LRP1: variants seen among roughly 807,000 people sequenced by gnomAD.
LRP1 encodes LDL receptor related protein 1.
In LRP1, 51 loss-of-function variants were observed where a neutral mutation model predicts 541.5. That is an observed-to-expected ratio of 0.09 (90% CI 0.08 to 0.12). The LOEUF is 0.12. Among genes scored for constraint, LRP1 ranks in the 10% least tolerant of loss-of-function variants. LRP1 has a pLI of 1.00. For synonymous variants in LRP1, 2,219 were observed against 2,470.8 expected, an observed-to-expected ratio of 0.90 and a Z score of 3.02; for missense variants, 3,878 against 6,376.2, an observed-to-expected ratio of 0.61 and a Z score of 13.34.
Position 57,183,449 on chromosome 12 carries a change from G to A in LRP1, c.5733G>A (p.Lys1911=), listed in dbSNP as rs754719895. ...IRGIPLDPND[K]SDALVPVSGT... ...GAATTCCCCTGGATCCCAATGACAA[G>A]TCAGATGCCCTGGTCCCAGTGTCCG... Residue 1911 remains lysine, a synonymous_variant, in exon 35 of 89, where the codon AAG becomes AAA. Transcript: ENST00000243077. This position sits in a 1 kb window ranked among gnomAD's most constrained non-coding sequence, Gnocchi z 6.1. 2 of 1,614,194 alleles carry A rather than the reference G, an allele frequency of 1.2e-6. No individual in the cohort carries two copies. Among genetic ancestry groups the A allele is most frequent in the East Asian group, 2.2e-5 (1 of 44,890 alleles).
intron 6 of LRP1, among the ~76,000 whole-genome samples, chr12:57,150,412 C>T (rs1485604083): frequency 2.0e-5 from 3 of 152,068 alleles, no homozygotes; most frequent in East Asian, 1.9e-4. Flanking sequence ...AGGATGGTCT[C>T]GATCTCCTGG....
chr12:57,167,962 C>T (rs545836551), intron 19 of LRP1, among the ~76,000 whole-genome samples: 72 of 152,362 alleles, frequency 4.7e-4, no homozygotes, highest in Non-Finnish European at 8.8e-4. Context: ...TGATGTCAGC[C>T]TTGAGCCACC....
At position 57,183,879 on chromosome 12, in the gene LRP1, G is replaced by A; in HGVS notation, c.5899G>A (p.Val1967Met). Residue 1967 changes from valine to methionine, a missense_variant, in exon 36 of 89, where the codon GTG (valine) becomes ATG (methionine). Val to Met is a conservative substitution (Grantham distance 21, BLOSUM62 1). Coordinates refer to ENST00000243077, the MANE Select transcript of LRP1 (RefSeq NM_002332.3). This position sits in a 1 kb window ranked among gnomAD's most constrained non-coding sequence, Gnocchi z 6.1. ...EDVVTNGIGR[V>M]EGIAVDWIAG... ...CGTGGTGACCAATGGCATTGGCCGT[G>A]TGGAGGGCATTGCAGTGGACTGGAT... is the stretch of plus-strand genomic sequence containing the variant. 1.2e-6 allele frequency: 2 copies of A among 1,614,216 alleles called. No individual in the cohort carries two copies. The highest frequency in any genetic ancestry group is 2.2e-5 in the East Asian group (1 of 44,878).
chr12:57,186,415 T>G (rs547834727), intron 41 of LRP1, among the ~76,000 whole-genome samples: 1 of 152,326 alleles, frequency 6.6e-6, no homozygotes, highest in Admixed American at 6.5e-5. Context: ...TTTCAGCTCT[T>G]TGAAAACTGC....
At position 57,199,357 on chromosome 12, in the gene LRP1, G is replaced by A; in HGVS notation, c.9822G>A (p.Arg3274=). 1.2e-6 allele frequency: 2 copies of A among 1,612,716 alleles called. No individual in the cohort carries two copies. Among genetic ancestry groups the A allele is most frequent in the Non-Finnish European group, 1.7e-6 (2 of 1,179,786 alleles). Residue 3274 remains arginine (R), a synonymous_variant, in exon 61 of 89, where the codon CGG becomes CGA. Coordinates refer to ENST00000243077, the MANE Select transcript of LRP1 (RefSeq NM_002332.3). ...NKTLLISTLH[R]PMDLHVFHAL... is the part of the protein sequence containing the mutation. The stretch of plus-strand genomic sequence containing the variant: ...CGCTCCTCATCAGCACGCTGCACCG[G>A]CCCATGGACCTGCATGTCTTCCATG...
At chr12:57,191,796 C>T (rs1404893452) in intron 44 of LRP1, among the ~76,000 whole-genome samples, 2 of 70,176 alleles carry the variant, frequency 2.8e-5, no homozygotes, top group Non-Finnish European at 5.9e-5. Context: ...ACACACCACA[C>T]ATATCACATG....
intron 3 of LRP1, among the ~76,000 whole-genome samples, chr12:57,143,207 G>A (rs912059654): frequency 6.6e-6 from 1 of 152,172 alleles, no homozygotes; most frequent in Non-Finnish European, 1.5e-5. Context: ...TAGGGCTCCG[G>A]GGATGGGTTA....
intron 6 of LRP1, among the ~76,000 whole-genome samples, chr12:57,148,495 T>G (rs991043251): frequency 6.6e-6 from 1 of 152,088 alleles, no homozygotes; most frequent in Non-Finnish European, 1.5e-5. Flanking sequence ...ATGGAGCCTG[T>G]AACCCAGCTT....
chr12:57,179,387 T>C lies in LRP1; in HGVS notation c.4797T>C (p.Asp1599=), dbSNP rs1332233212. 5 of 1,614,130 alleles carry C rather than the reference T, an allele frequency of 3.1e-6. No homozygotes were observed. The Admixed American group carries it at 8.3e-5, about 27-fold the overall frequency. The part of the protein sequence containing the change: ...RQMEIRGVDL[D]APYYNYIISF... Reference sequence around the variant, plus strand: ...TGGAGATCCGAGGTGTGGACCTGGATGCTCCCTACTACAACTACATCATCT... The same window carrying C: ...TGGAGATCCGAGGTGTGGACCTGGACGCTCCCTACTACAACTACATCATCT... The change falls in exon 29 of 89, where the codon GAT becomes GAC. Residue 1599 remains aspartate (D), a synonymous_variant. Coordinates refer to ENST00000243077, the MANE Select transcript of LRP1 (RefSeq NM_002332.3). This position sits in a 1 kb window ranked among gnomAD's most constrained non-coding sequence, Gnocchi z 6.8.
chr12:57,202,070 A>C (rs2036669074), intron 67 of LRP1, 165 bp downstream of exon 67: 1 of 859,092 alleles, frequency 1.2e-6, no homozygotes, highest in African/African-American at 1.7e-5. Flanking sequence ...GCCTGGCTGG[A>C]GCTCACTTCC....
rs1428109294 is a variant in LRP1, at chr12:57,183,531, G to C, written c.5794+21G>C. The C allele has an allele frequency of 6.2e-7, 1 of 1,609,790 alleles. No individual in the cohort carries two copies. The highest frequency in any genetic ancestry group is 8.5e-7 in the Non-Finnish European group (1 of 1,177,190). ...CGCTGGTGAGCCATTTGGTGGCAGA[G>C]GGAGTTGGGCGTGGCGTAGGAGCTT... On this transcript the variant is annotated intron_variant, in intron 35 of 88. Coordinates refer to ENST00000243077, the MANE Select transcript of LRP1 (RefSeq NM_002332.3). The surrounding 1 kb of genome is among the most constrained non-coding windows in gnomAD (Gnocchi z 6.1).
chr12:57,205,489 G>C lies in LRP1; in HGVS notation c.11470+4G>C, dbSNP rs758357080. 2 of 1,610,994 alleles carry C rather than the reference G, an allele frequency of 1.2e-6. No homozygotes were observed. Among genetic ancestry groups the C allele is most frequent in the South Asian group, 2.2e-5 (2 of 91,032 alleles). On this transcript the variant is annotated splice_donor_region_variant and intron_variant, in intron 74 of 88. Transcript: ENST00000243077. This position sits in a 1 kb window ranked among gnomAD's most constrained non-coding sequence, Gnocchi z 4.6. ...CCCGGCCAGCCCGGATGCCAAGGTA[G>C]GAAAGCGGGGCAGAGCAGGGGTGGA...
chr12:57,187,013 A>G (rs774840891), intron 41 of LRP1, among the ~76,000 whole-genome samples: 3 of 152,236 alleles, frequency 2.0e-5, no homozygotes, highest in Admixed American at 6.5e-5. Flanking sequence ...CAAACACACC[A>G]GAAAGCCCGA....
At chr12:57,181,757 G>A (rs900483363) in intron 34 of LRP1, among the ~76,000 whole-genome samples, 17 of 152,258 alleles carry the variant, frequency 1.1e-4, no homozygotes, top group East Asian at 7.7e-4. Context: ...AAACAGAGGC[G>A]GTTAAACCAG....
rs1013062212 is a variant in LRP1 at position 57,189,551 on chromosome 12, A to G, written c.7032-1254A>G. 1.3e-5 allele frequency among the ~76,000 whole-genome samples: 2 copies of G among 152,018 alleles called. No individual in the cohort carries two copies. The highest frequency in any genetic ancestry group is 3.9e-4 in the East Asian group (2 of 5,188). The stretch of plus-strand genomic sequence containing the variant: ...AGGGGCAGAGCAGCACCATTTTCCT[A>G]CGTGAGCCCAGCAGAAGGCGGGATA... On this transcript the variant is annotated intron_variant, in intron 42 of 88. Coordinates refer to ENST00000243077, the MANE Select transcript of LRP1 (RefSeq NM_002332.3). This position sits in a 1 kb window ranked among gnomAD's most constrained non-coding sequence, Gnocchi z 4.4.
In LRP1 at chr12:57,183,800, C is replaced by G; in HGVS notation, c.5820C>G (p.Asp1940Glu). 6.2e-7 allele frequency: 1 copy of G among 1,614,130 alleles called. No individual in the cohort carries two copies. Among genetic ancestry groups the G allele is most frequent in the Non-Finnish European group, 8.5e-7 (1 of 1,180,040 alleles). Reference sequence around the variant, plus strand: ...AAAATGACACCATCTACTGGGTGGACATGGGCCTGAGCACGATCAGCCGGG... The same window carrying G: ...AAAATGACACCATCTACTGGGTGGAGATGGGCCTGAGCACGATCAGCCGGG... ...HAENDTIYWVDMGLSTISRAK... is the reference protein window; with the variant it reads ...HAENDTIYWVEMGLSTISRAK... The change falls in exon 36 of 89, where the codon GAC (aspartate) becomes GAG (glutamate). Residue 1940 changes from aspartate to glutamate, a missense_variant. Physicochemically the swap from Asp to Glu is conservative, Grantham distance 45. Around this residue, in one of 13 missense-constraint regions of LRP1, gnomAD observed 394 missense variants for 635.9 expected, o/e 0.62. Transcript: ENST00000243077. The surrounding 1 kb of genome is among the most constrained non-coding windows in gnomAD (Gnocchi z 6.1).
In LRP1 at chr12:57,168,776, C is replaced by A. The variant is rs575693266; in HGVS notation, c.2996-364C>A. On this transcript the variant is annotated intron_variant, in intron 19 of 88. Coordinates refer to ENST00000243077, the MANE Select transcript of LRP1 (RefSeq NM_002332.3). Reference sequence around the variant, plus strand: ...TCTCAAGCCGGCCACGCCTGCACCCCACCTACCTCTCTCCCTCCAAAACTA... The same window carrying A: ...TCTCAAGCCGGCCACGCCTGCACCCAACCTACCTCTCTCCCTCCAAAACTA... Among the ~76,000 whole-genome samples, 10 of 152,350 alleles carry A rather than the reference C, an allele frequency of 6.6e-5. No homozygotes were observed. The East Asian group carries it at 1.9e-3, about 29-fold the overall frequency.
chr12:57,145,420 G>A lies in LRP1; in HGVS notation c.771G>A (p.Lys257=). The A allele has an allele frequency of 1.9e-6, 3 of 1,614,200 alleles. No individual in the cohort carries two copies. The highest frequency in any genetic ancestry group is 1.7e-5 in the Admixed American group (1 of 60,034). The change falls in exon 6 of 89, where the codon AAG becomes AAA. Residue 257 remains lysine (K), a synonymous_variant. Transcript: ENST00000243077. ...VGDSAAQTQL[K]CARMPGLKGF... ...ACAGTGCTGCTCAGACGCAGCTCAA[G>A]TGTGCCCGCATGCCTGGCCTAAAGG...
chr12:57,209,962 C>A, intron 80 of LRP1, 67 bp from the exon 81 acceptor site: 1 of 1,586,768 alleles, frequency 6.3e-7, no homozygotes, highest in Non-Finnish European at 8.6e-7. Context: ...GAGGGGGTCA[C>A]CCTGGGCTCA....
Sources: gnomAD v4.1 joint callset for allele counts (sites outside exome capture counted in the v4.1 genomes callset) on GRCh38, gnomAD v4.1.1 for gene constraint, gnomAD v4.1.1 regional missense constraint, Gnocchi (gnomAD v3.1) non-coding constraint, MANE v1.5 for transcripts, NCBI Gene and HGNC (gene_info 2026-07-23, HGNC 2026-07-21) for gene names.